The following EIF4G1 variants were observed in gnomAD, a reference collection of about 807,000 sequenced individuals.
The protein encoded by EIF4G1 is eukaryotic translation initiation factor 4 gamma 1.
A neutral mutation model predicts 187.8 loss-of-function variants in EIF4G1; 4 were observed. The ratio of observed to expected loss-of-function variants is 0.02; its 90% CI spans 0.01 to 0.05. The LOEUF (loss-of-function observed/expected upper bound fraction) is 0.05, where lower values mean the gene tolerates loss of function less well. EIF4G1 is among the 10% of genes least tolerant of loss of function. The probability of loss-of-function intolerance (pLI) is 1.00; values close to 1 mark genes in which losing one functional copy is unlikely to be tolerated. For synonymous variants in EIF4G1, 844 were observed against 781.4 expected (o/e 1.08, Z -1.34); for missense variants, 1,647 against 2,081.1 (o/e 0.79, Z 4.06).
intron 6 of EIF4G1, 136 bp downstream of exon 6, chr3:184,317,952 A>G (rs1193272314): frequency 5.6e-6 from 4 of 716,932 alleles, no homozygotes; most frequent in Non-Finnish European, 9.9e-6. Context: ...GGTGGTAGGG[A>G]TTGGTGCTTA....
intron 3 of EIF4G1, 95 bp from the exon 4 acceptor site, chr3:184,316,037 C>T (rs1384454935): frequency 3.8e-6 from 6 of 1,567,316 alleles, no homozygotes; most frequent in Admixed American, 1.9e-5. Context: ...ATTGTTAAGG[C>T]TCTTGCCGCA....
chr3:184,321,458 A>G lies in EIF4G1; in HGVS notation c.874A>G (p.Thr292Ala), dbSNP rs1281007337. 1.9e-6 allele frequency: 3 copies of G among 1,614,132 alleles called. No homozygotes were observed. The highest frequency in any genetic ancestry group is 1.1e-5 in the South Asian group (1 of 91,078). The change falls in exon 10 of 33, where the codon ACT becomes GCT. Residue 292 changes from threonine (T) to alanine (A), a missense_variant. Around this residue, in one of 11 missense-constraint regions of EIF4G1, gnomAD observed 522 missense variants for 485.2 expected, o/e 1.08. Transcript: ENST00000346169. The part of the protein sequence containing the change: ...VLSIPGDTMT[T>A]IQMSVEESTP... ...CTCTATTCCTGGGGACACTATGACA[A>G]CTATACAAATGTCTGTAGAAGAATC...
chr3:184,315,252 G>T, intron 1 of EIF4G1: 1 of 434,814 alleles, frequency 2.3e-6, no homozygotes, highest in South Asian at 1.6e-5. Context: ...ACACTCCTGG[G>T]CGGCGGCAGG....
intron 24 of EIF4G1, 30 bp downstream of exon 24, chr3:184,327,478 A>G (rs567965790): frequency 1.9e-6 from 3 of 1,613,420 alleles, no homozygotes; most frequent in East Asian, 2.2e-5. Context: ...ATGGAGGGAA[A>G]GGCATTGGCT....
Position 184,323,711 on chromosome 3 carries a change from C to A in EIF4G1, c.2275-69C>A. 6.2e-7 allele frequency: 1 copy of A among 1,610,622 alleles called. No homozygotes were observed. The highest frequency in any genetic ancestry group is 8.5e-7 in the Non-Finnish European group (1 of 1,178,574). On this transcript the variant is annotated intron_variant, in intron 15 of 32. Transcript: ENST00000346169. The surrounding 1 kb of genome is among the most constrained non-coding windows in gnomAD (Gnocchi z 6.9). ...ATCTGTCATGCCTAAGTCCCCACCACCCTCTCCTGTCCCTCCCAACAGCCT... is the reference window on the plus strand; with the variant it reads ...ATCTGTCATGCCTAAGTCCCCACCAACCTCTCCTGTCCCTCCCAACAGCCT...
chr3:184,321,074 A>C, intron 9 of EIF4G1, 81 bp downstream of exon 9: 1 of 1,552,182 alleles, frequency 6.4e-7, no homozygotes, highest in Non-Finnish European at 8.8e-7. Flanking sequence ...AGTGACTTGA[A>C]CTGGGTACCA....
chr3:184,315,619 G>C (rs1018026906), intron 2 of EIF4G1, 74 bp downstream of exon 2: 25 of 774,408 alleles, frequency 3.2e-5, no homozygotes, highest in Non-Finnish European at 9.5e-6. Context: ...TGTTGGTGGG[G>C]ACAGGCTGTA....
chr3:184,331,381 G>A lies in EIF4G1; in HGVS notation c.4260+17G>A, dbSNP rs541692727. ...GCTGAACAGGTTTGGGGATGGAGTT[G>A]GGTTAATTCTAGCATTTGAGGCTGG... On this transcript the variant is annotated intron_variant, in intron 29 of 32. Transcript: ENST00000346169. The A allele has an allele frequency of 6.2e-7, 1 of 1,614,214 alleles. No individual in the cohort carries two copies. The highest frequency in any genetic ancestry group is 1.3e-5 in the African/African-American group (1 of 75,056).
intron 1 of EIF4G1, 104 bp from the exon 2 acceptor site, chr3:184,315,385 C>G (rs369864792): frequency 5.7e-6 from 3 of 526,538 alleles, no homozygotes; most frequent in Non-Finnish European, 1.1e-5. Flanking sequence ...CAGCTAGCTC[C>G]GTTCGTGATC....
intron 17 of EIF4G1, 94 bp downstream of exon 17, chr3:184,324,441 G>GT: frequency 6.3e-7 from 1 of 1,577,708 alleles, no homozygotes; most frequent in Non-Finnish European, 8.7e-7. Flanking sequence ...GGAGGTAGTG[G>GT]TGTCTTGGGG....
At position 184,332,070 on chromosome 3, in the gene EIF4G1, C is replaced by G. The variant is rs1056994079; in HGVS notation, c.4602C>G (p.Thr1534=). The change falls in exon 32 of 33, where the codon ACC becomes ACG. Residue 1534 remains threonine (T), a synonymous_variant. Transcript: ENST00000346169. The part of the protein sequence containing the change: ...ALYALQALVV[T]LEQPPNLLRM... ...ACGCCCTCCAGGCCCTTGTAGTGACCTTAGAACAGCCTCCCAGTAAGAGCC... is the reference window on the plus strand; with the variant it reads ...ACGCCCTCCAGGCCCTTGTAGTGACGTTAGAACAGCCTCCCAGTAAGAGCC... The G allele has an allele frequency of 1.9e-6, 3 of 1,614,046 alleles. No individual in the cohort carries two copies. Among genetic ancestry groups the G allele is most frequent in the African/African-American group, 1.3e-5 (1 of 74,922 alleles).
At chr3:184,320,134 C>G (rs1723626174) in intron 7 of EIF4G1, among the ~76,000 whole-genome samples, 1 of 151,758 alleles carries the variant, frequency 6.6e-6, no homozygotes, top group Non-Finnish European at 1.5e-5. Context: ...CCCCCCTGCC[C>G]CCCCAGTCCT....
In EIF4G1 at chr3:184,319,799, A is replaced by G. The variant is rs909440613; in HGVS notation, c.535A>G (p.Thr179Ala). 6.3e-7 allele frequency: 1 copy of G among 1,593,378 alleles called. No individual in the cohort carries two copies. Among genetic ancestry groups the G allele is most frequent in the East Asian group, 2.2e-5 (1 of 44,466 alleles). The part of the protein sequence containing the change: ...PQIAPKRERK[T>A]IRIRDPNQGG... ...GATTGCTCCCAAGAGGGAGCGTAAG[A>G]CGGTGAGTAGCAGTGAGGGGCTCCG... Residue 179 changes from threonine to alanine, a missense_variant and splice_region_variant, in exon 7 of 33, where the codon ACG becomes GCG. Physicochemically the swap from Thr to Ala is moderately conservative, Grantham distance 58. This residue lies in a region of EIF4G1 where 139 missense variants were observed against 187.3 expected (regional missense o/e 0.74). Transcript: ENST00000346169.
Position 184,327,356 on chromosome 3 carries a change from T to A in EIF4G1, c.3569T>A (p.Val1190Glu). The A allele has an allele frequency of 6.2e-7, 1 of 1,613,476 alleles. No individual in the cohort carries two copies. Among genetic ancestry groups the A allele is most frequent in the Non-Finnish European group, 8.5e-7 (1 of 1,179,986 alleles). The change falls in exon 24 of 33, where the codon GTG (valine) becomes GAG (glutamate). Residue 1190 changes from valine to glutamate, a missense_variant. Val to Glu is a moderately radical substitution (Grantham distance 121). This residue lies in a region of EIF4G1 where 543 missense variants were observed against 638.0 expected (regional missense o/e 0.85). Transcript: ENST00000346169. ...ACCAAGCGGAGCTTCAGCAAGGAAG[T>A]GGAGGAGCGGAGTAGAGAACGGCCC... is the stretch of plus-strand genomic sequence containing the variant. ...PATKRSFSKE[V>E]EERSRERPSQ...
intron 10 of EIF4G1, 32 bp from the exon 11 acceptor site, chr3:184,322,330 A>G: frequency 1.3e-6 from 2 of 1,599,634 alleles, no homozygotes; most frequent in Non-Finnish European, 1.7e-6. Flanking sequence ...ATTGGCAAAG[A>G]TCCATGCTTT....
intron 26 of EIF4G1, 120 bp from the exon 27 acceptor site, chr3:184,328,511 C>A (rs1725406877): frequency 2.2e-6 from 3 of 1,393,480 alleles, no homozygotes; most frequent in African/African-American, 1.4e-5. Flanking sequence ...AAATAATTGT[C>A]CCCATGTCTA....
At position 184,325,148 on chromosome 3, in the gene EIF4G1, G is replaced by A. The variant is rs1248575561; in HGVS notation, c.2856+34G>A. The A allele has an allele frequency of 5.0e-6, 8 of 1,610,378 alleles. No homozygotes were observed. The South Asian group carries it at 5.5e-5, about 11-fold the overall frequency. The stretch of plus-strand genomic sequence containing the variant: ...CCTTGCATCTGGAGGGGGATGGGCT[G>A]AAGCATATGTGGGGCTCACTGAGCC... On this transcript the variant is annotated intron_variant, in intron 18 of 32. Coordinates refer to ENST00000346169, the MANE Select transcript of EIF4G1 (RefSeq NM_198241.3). This position sits in a 1 kb window ranked among gnomAD's most constrained non-coding sequence, Gnocchi z 5.2.
rs765493599 is a variant in EIF4G1, at chr3:184,327,199, G to T, written c.3429-17G>T. ...GGGCAGTGCAAGTGAGTGAAAATTTGTCTGTCTGTCTTCCAGGAGTAGCTT... is the reference window on the plus strand; with the variant it reads ...GGGCAGTGCAAGTGAGTGAAAATTTTTCTGTCTGTCTTCCAGGAGTAGCTT... On this transcript the variant is annotated splice_polypyrimidine_tract_variant and intron_variant, in intron 23 of 32. Coordinates refer to ENST00000346169, the MANE Select transcript of EIF4G1 (RefSeq NM_198241.3). 6.2e-7 allele frequency: 1 copy of T among 1,612,310 alleles called. No individual in the cohort carries two copies. Among genetic ancestry groups the T allele is most frequent in the Non-Finnish European group, 8.5e-7 (1 of 1,179,958 alleles).
intron 7 of EIF4G1, chr3:184,320,386 A>T: frequency 7.1e-7 from 1 of 1,405,176 alleles, no homozygotes; most frequent in Non-Finnish European, 9.3e-7. Flanking sequence ...GGGATGAGGG[A>T]GGGAGGGGCA....
Sources: allele counts gnomAD v4.1 joint callset (sites outside exome capture counted in the v4.1 genomes callset), GRCh38; gene constraint gnomAD v4.1.1; regional missense constraint gnomAD v4.1.1; non-coding constraint Gnocchi (gnomAD v3.1); transcripts MANE v1.5; gene names NCBI Gene and HGNC (gene_info 2026-07-23, HGNC 2026-07-21).